The following CHIC1 variants were observed in gnomAD, a reference collection of about 807,000 sequenced individuals.
CHIC1 encodes cysteine rich hydrophobic domain 1.
In CHIC1, 7 loss-of-function variants were observed where a neutral mutation model predicts 18.5. The observed-to-expected ratio is 0.38, with a 90% CI of 0.22 to 0.71. The LOEUF is 0.71. Ranked by LOEUF, CHIC1 falls within the 30% of genes least tolerant of loss-of-function variation. CHIC1 has a pLI of 0.49. For synonymous variants in CHIC1, 77 were observed against 73.5 expected, an observed-to-expected ratio of 1.05 and a Z score of -0.25; for missense variants, 159 against 176.9, an observed-to-expected ratio of 0.90 and a Z score of 0.57.
At chrX:73,595,292 T>C (rs758810732) in intron 3 of CHIC1, among the ~76,000 whole-genome samples, 18 of 110,761 alleles carry the variant, frequency 1.6e-4, no homozygotes, top group Non-Finnish European at 3.2e-4. Flanking sequence ...TCATCTACAT[T>C]AGGTATTTGT....
chrX:73,650,370 C>T (rs2057909939), intron 3 of CHIC1, among the ~76,000 whole-genome samples: 1 of 110,593 alleles, frequency 9.0e-6, no homozygotes, highest in African/African-American at 3.3e-5. Context: ...CACAAAAAAA[C>T]CCTCCAAAAA....
rs542678194 is a variant in CHIC1 at position 73,647,846 on chromosome X, C to G, written c.508-31480C>G. Among the ~76,000 whole-genome samples, 54 of 112,252 alleles carry G rather than the reference C, an allele frequency of 4.8e-4. No homozygotes were observed. The South Asian group carries it at 0.02, about 42-fold the overall frequency. On this transcript the variant is annotated intron_variant, in intron 3 of 5. Transcript: ENST00000373502. ...GGGTTTCTGCCCAGTGAGGTACATC[C>G]CCTCCACCAAGGGACAGTCAAAGTG... is the stretch of plus-strand genomic sequence containing the variant.
chrX:73,597,582 C>T (rs914799326), intron 3 of CHIC1, among the ~76,000 whole-genome samples: 1 of 105,081 alleles, frequency 9.5e-6, no homozygotes, highest in Non-Finnish European at 1.9e-5. Context: ...TATATATATA[C>T]ATATATACAC....
chrX:73,634,663 C>T (rs1363696491), intron 3 of CHIC1, among the ~76,000 whole-genome samples: 1 of 111,558 alleles, frequency 9.0e-6, no homozygotes, highest in East Asian at 2.8e-4. Context: ...TTTTAAACTG[C>T]ACACTGATTG....
chrX:73,676,043 A>G (rs2058060740), intron 3 of CHIC1, among the ~76,000 whole-genome samples: 2 of 111,763 alleles, frequency 1.8e-5, no homozygotes, highest in Admixed American at 1.9e-4. Context: ...TTTCTTTAAG[A>G]ATGCTGAATA....
chrX:73,631,998 T>C (rs2057809246), intron 3 of CHIC1, among the ~76,000 whole-genome samples: 1 of 112,219 alleles, frequency 8.9e-6, no homozygotes, highest in Non-Finnish European at 1.9e-5. Flanking sequence ...GAGAAGATTG[T>C]GTATTCTGCT....
intron 3 of CHIC1, among the ~76,000 whole-genome samples, chrX:73,657,359 G>A (rs756822888): frequency 2.4e-4 from 27 of 111,503 alleles, no homozygotes; most frequent in South Asian, 3.8e-4. Flanking sequence ...GCGCCCAGCC[G>A]TATTTTATAC....
chrX:73,597,773 C>A lies in CHIC1; in HGVS notation c.507+13201C>A, dbSNP rs990509013. Among the ~76,000 whole-genome samples the A allele has an allele frequency of 3.7e-5, 4 of 109,257 alleles. No homozygotes were observed. The East Asian group carries it at 1.2e-3, about 32-fold the overall frequency. 94.9% of individuals were successfully genotyped at this position (109,257 alleles called of 115,157 possible). On this transcript the variant is annotated intron_variant, in intron 3 of 5. Transcript: ENST00000373502. ...CTCCTAATGCTATCCCTCCCCTAGCCCCCCACCTCCTGACAGACCCTGGTG... is the reference window on the plus strand; with the variant it reads ...CTCCTAATGCTATCCCTCCCCTAGCACCCCACCTCCTGACAGACCCTGGTG...
intron 3 of CHIC1, among the ~76,000 whole-genome samples, chrX:73,661,379 G>A (rs2057979324): frequency 8.9e-6 from 1 of 112,137 alleles, no homozygotes; most frequent in African/African-American, 3.2e-5. Flanking sequence ...ACCTCTTGAA[G>A]GAGGGGACAT....
At chrX:73,632,274 C>T (rs942137570) in intron 3 of CHIC1, among the ~76,000 whole-genome samples, 5 of 111,611 alleles carry the variant, frequency 4.5e-5, no homozygotes, top group Non-Finnish European at 9.4e-5. Context: ...AATATTTTTT[C>T]CAGTATAATT....
chrX:73,579,302 T>C (rs1466926352), intron 2 of CHIC1, among the ~76,000 whole-genome samples: 1 of 110,350 alleles, frequency 9.1e-6, no homozygotes, highest in Non-Finnish European at 1.9e-5. Context: ...ACCTCACTTT[T>C]TAAGAGCTAA....
Position 73,684,377 on chromosome X carries a change from T to C in CHIC1, c.*3372T>C, listed in dbSNP as rs1276526288. 2 of 111,634 alleles carry C rather than the reference T, an allele frequency of 1.8e-5. No individual in the cohort carries two copies. 9.2% of individuals were successfully genotyped at this position (111,634 alleles called of 1,213,427 possible). Reference sequence around the variant, plus strand: ...AATCAAACTGTTTTATCTACCATTTTTGATGAAATTTGAATAAAGTTTAAA... The same window carrying C: ...AATCAAACTGTTTTATCTACCATTTCTGATGAAATTTGAATAAAGTTTAAA... On this transcript the variant is annotated 3_prime_UTR_variant, in exon 6 of 6. Transcript: ENST00000373502.
chrX:73,656,501 T>G lies in CHIC1; in HGVS notation c.508-22825T>G, dbSNP rs972525790. 1.2e-4 allele frequency among the ~76,000 whole-genome samples: 13 copies of G among 111,849 alleles called. No individual in the cohort carries two copies. In the Admixed American group the frequency reaches 1.2e-3, roughly 11 times the overall value. Reference sequence around the variant, plus strand: ...TATATGGTATAAGGAAGAGGTCTATTTTTCAGTTTTTTGCATATGGCTAGC... The same window carrying G: ...TATATGGTATAAGGAAGAGGTCTATGTTTCAGTTTTTTGCATATGGCTAGC... On this transcript the variant is annotated intron_variant, in intron 3 of 5. Coordinates refer to ENST00000373502, the MANE Select transcript of CHIC1 (RefSeq NM_001039840.4).
At chrX:73,609,876 G>A (rs1218936587) in intron 3 of CHIC1, among the ~76,000 whole-genome samples, 5 of 108,882 alleles carry the variant, frequency 4.6e-5, no homozygotes, top group Non-Finnish European at 9.4e-5. Flanking sequence ...CACCTTAGTT[G>A]TAACAAACAT....
chrX:73,676,524 C>T (rs371885928), intron 3 of CHIC1, among the ~76,000 whole-genome samples: 5 of 111,926 alleles, frequency 4.5e-5, no homozygotes, highest in Non-Finnish European at 9.4e-5. Flanking sequence ...TTGATCTCAT[C>T]GGCTAGTGAG....
At position 73,625,479 on chromosome X, in the gene CHIC1, C is replaced by T. The variant is rs755041469; in HGVS notation, c.507+40907C>T. 3.6e-5 allele frequency among the ~76,000 whole-genome samples: 4 copies of T among 111,489 alleles called. 1 individual carries two copies. In the South Asian group the frequency reaches 1.5e-3, roughly 43 times the overall value. On this transcript the variant is annotated intron_variant, in intron 3 of 5. Transcript: ENST00000373502. The stretch of plus-strand genomic sequence containing the variant: ...GAGAAAGACCCACCCATTGCAGTGA[C>T]ATTTAATCAAAAGTTCAGGCAGCTG...
rs774884031 is a variant in CHIC1, at chrX:73,603,579, G to A, written c.507+19007G>A. 7.9e-3 allele frequency among the ~76,000 whole-genome samples: 854 copies of A among 108,204 alleles called. 74 individuals are homozygous for A. The highest frequency in any genetic ancestry group is 0.029 in the African/African-American group (820 of 27,816). 94.0% of individuals were successfully genotyped at this position (108,204 alleles called of 115,157 possible). ...AGAGAGGGCATCCTTGTCTTGTGCC[G>A]GTTTTCAAAGGGAATGCTTCCAGTT... On this transcript the variant is annotated intron_variant, in intron 3 of 5. Coordinates refer to ENST00000373502, the MANE Select transcript of CHIC1 (RefSeq NM_001039840.4).
intron 3 of CHIC1, among the ~76,000 whole-genome samples, chrX:73,587,179 G>A (rs1372892256): frequency 8.9e-6 from 1 of 111,857 alleles, no homozygotes; most frequent in Non-Finnish European, 1.9e-5. Context: ...GCCAATTATT[G>A]AAAATATTTC....
chrX:73,671,709 A>T (rs2058031309), intron 3 of CHIC1, among the ~76,000 whole-genome samples: 1 of 105,881 alleles, frequency 9.4e-6, no homozygotes. Flanking sequence ...CTTATATCTC[A>T]GTTTCCTTTT....
Sources: allele counts gnomAD v4.1 joint callset (sites outside exome capture counted in the v4.1 genomes callset), GRCh38; gene constraint gnomAD v4.1.1; transcripts MANE v1.5; gene names NCBI Gene and HGNC (gene_info 2026-07-23, HGNC 2026-07-21).